AMBN: variants seen among roughly 807,000 people sequenced by gnomAD.
AMBN encodes the protein enamel matrix protein.
A neutral mutation model predicts 48.0 loss-of-function variants in AMBN; 54 were observed. The ratio of observed to expected loss-of-function variants is 1.12; its 90% CI spans 0.90 to 1.41. AMBN has a LOEUF of 1.41. Ranked by LOEUF, AMBN falls within the 40% of genes most tolerant of loss-of-function variation. The probability of loss-of-function intolerance (pLI) is 0.00; values close to 1 mark genes in which losing one functional copy is unlikely to be tolerated. For missense variants in AMBN, 571 were observed against 547.3 expected (o/e 1.04, Z -0.43); for synonymous variants, 186 against 190.0 (o/e 0.98, Z 0.17).
Position 70,599,538 on chromosome 4 carries a change from T to C in AMBN, c.186T>C (p.Tyr62=), listed in dbSNP as rs1309882468. ...TCTTTTTTTATCCATGTCTTTAGTA[T>C]TCTAGATACGGCTTTGGAAAATCAT... ...SLQRLNTLSQ[Y]SRYGFGKSFN... is the part of the protein sequence containing the mutation. The change falls in exon 5 of 13, where the codon TAT becomes TAC. Residue 62 remains tyrosine (Y), a splice_region_variant and synonymous_variant. Transcript: ENST00000322937. The C allele has an allele frequency of 1.2e-6, 2 of 1,601,286 alleles. No homozygotes were observed. The highest frequency in any genetic ancestry group is 4.5e-5 in the East Asian group (2 of 44,728).
At chr4:70,597,169 G>T in intron 3 of AMBN, 120 bp downstream of exon 3, 1 of 778,446 alleles carries the variant, frequency 1.3e-6, no homozygotes, top group Non-Finnish European at 2.0e-6. Context: ...GTTATCCTGA[G>T]GAGTGCTAGA....
At position 70,601,036 on chromosome 4, in the gene AMBN, T is replaced by A. The variant is rs185403461; in HGVS notation, c.295-382T>A. On this transcript the variant is annotated intron_variant, in intron 5 of 12. Coordinates refer to ENST00000322937, the MANE Select transcript of AMBN (RefSeq NM_016519.6). Reference sequence around the variant, plus strand: ...GGGCTATAAAGAAAAACAAAACATATCATTCTCTCTCCGTTGACTGGGGGA... The same window carrying A: ...GGGCTATAAAGAAAAACAAAACATAACATTCTCTCTCCGTTGACTGGGGGA... 6.4e-4 allele frequency among the ~76,000 whole-genome samples: 97 copies of A among 152,226 alleles called. 1 individual carries two copies. Among genetic ancestry groups the A allele is most frequent in the Non-Finnish European group, 1.9e-4 (13 of 68,004 alleles).
chr4:70,606,145 A>G, intron 12 of AMBN, 40 bp from the exon 13 acceptor site: 2 of 1,607,020 alleles, frequency 1.2e-6, no homozygotes. Context: ...AGTTAATAGC[A>G]TGTGATGATG....
intron 12 of AMBN, among the ~76,000 whole-genome samples, chr4:70,604,971 C>A (rs1737608522): frequency 1.4e-5 from 2 of 145,790 alleles, no homozygotes; most frequent in Admixed American, 7.0e-5. Flanking sequence ...CCAGCCTGGG[C>A]AACAGAGCAA....
chr4:70,601,559 C>A lies in AMBN; in HGVS notation c.436C>A (p.Pro146Thr). 1 of 1,614,176 alleles carries A rather than the reference C, an allele frequency of 6.2e-7. No individual in the cohort carries two copies. The change falls in exon 6 of 13, where the codon CCT becomes ACT. Residue 146 changes from proline to threonine, a missense_variant. Pro to Thr is a conservative substitution (Grantham distance 38, BLOSUM62 -1). Coordinates refer to ENST00000322937, the MANE Select transcript of AMBN (RefSeq NM_016519.6). ...QATALKEALQ[P>T]PIHLGHLPLQ... ...CACAGCACTGAAAGAAGCACTTCAG[C>A]CTCCAATTCACCTGGGACATCTGCC...
Position 70,603,509 on chromosome 4 carries a change from T to G in AMBN, c.753+49T>G, listed in dbSNP as rs1180478652. On this transcript the variant is annotated intron_variant, in intron 11 of 12. Transcript: ENST00000322937. The stretch of plus-strand genomic sequence containing the variant: ...TATTGTTTTTAATTAAATTTTATCT[T>G]AAGAGCTAAAATTCAAAAATCTAGG... The G allele has an allele frequency of 4.5e-6, 7 of 1,558,776 alleles. No individual in the cohort carries two copies. The African/African-American group carries it at 6.9e-5, about 15-fold the overall frequency.
In AMBN at chr4:70,606,510, T is replaced by A; in HGVS notation, c.1124T>A (p.Leu375His). 1 of 1,614,014 alleles carries A rather than the reference T, an allele frequency of 6.2e-7. No homozygotes were observed. ...PRSPSGKMKG[L>H]PSVTPAAADP... ...AGCCCTTCAGGGAAGATGAAGGGAC[T>A]CCCCAGCGTCACCCCAGCAGCTGCT... The change falls in exon 13 of 13, where the codon CTC becomes CAC. Residue 375 changes from leucine (L) to histidine (H), a missense_variant. By Grantham distance (99) the Leu-to-His change is moderately conservative. Transcript: ENST00000322937.
Position 70,592,393 on chromosome 4 carries a change from T to A in AMBN, c.15+20T>A, listed in dbSNP as rs369006341. On this transcript the variant is annotated intron_variant, in intron 1 of 12. Transcript: ENST00000322937. The stretch of plus-strand genomic sequence containing the variant: ...TCTAAGGTAAAATGGGATTTTATGA[T>A]TTCCATGTGTTTCCTGTAAATTCTT... 6.2e-7 allele frequency: 1 copy of A among 1,613,582 alleles called. No homozygotes were observed. The highest frequency in any genetic ancestry group is 8.5e-7 in the Non-Finnish European group (1 of 1,179,654).
chr4:70,601,660 TC>T lies in AMBN; in HGVS notation c.531+8del, dbSNP rs1364980987. The T allele has an allele frequency of 5.0e-6, 8 of 1,612,814 alleles. No individual in the cohort carries two copies. Among genetic ancestry groups the T allele is most frequent in the Non-Finnish European group, 6.8e-6 (8 of 1,179,050 alleles). ...ATAAGCCACCAAAGCCTGAGGTACT[TC>T]CTTTCTCTTGAAGTCAGATCAGAAT... On this transcript the variant is annotated splice_region_variant and intron_variant, in intron 6 of 12. Transcript: ENST00000322937.
chr4:70,599,458 GA>G, intron 4 of AMBN, 77 bp from the exon 5 acceptor site: 1 of 1,135,554 alleles, frequency 8.8e-7, no homozygotes, highest in Admixed American at 2.6e-5. Flanking sequence ...AAAGAAAAAG[GA>G]AAAGGAAAAC....
chr4:70,603,873 A>G lies in AMBN; in HGVS notation c.754-4A>G. On this transcript the variant is annotated splice_region_variant and splice_polypyrimidine_tract_variant and intron_variant, in intron 11 of 12. Coordinates refer to ENST00000322937, the MANE Select transcript of AMBN (RefSeq NM_016519.6). ...AATTTGACGCAATATTTCTTTTTGA[A>G]CAGAATGCCCCTGCCAGACTTGGCA... 4.3e-6 allele frequency: 7 copies of G among 1,614,004 alleles called. No individual in the cohort carries two copies. Among genetic ancestry groups the G allele is most frequent in the Non-Finnish European group, 5.1e-6 (6 of 1,179,938 alleles).
intron 2 of AMBN, among the ~76,000 whole-genome samples, chr4:70,596,717 G>A (rs561980298): frequency 6.6e-5 from 10 of 152,304 alleles, no homozygotes; most frequent in African/African-American, 2.4e-4. Context: ...CTCCTTGTGT[G>A]TAACTTTAAA....
At position 70,601,500 on chromosome 4, in the gene AMBN, T is replaced by G; in HGVS notation, c.377T>G (p.Phe126Cys). Residue 126 changes from phenylalanine (F) to cysteine (C), a missense_variant, in exon 6 of 13, where the codon TTT becomes TGT. By Grantham distance (205) the Phe-to-Cys change is radical. Transcript: ENST00000322937. ...CCTCAACAGCCAGGACTGAAACCTT[T>G]TCTCCAGTCTGCTGCTGCAACCACC... ...LKPQQPGLKPFLQSAAATTNQ... is the reference protein window; with the variant it reads ...LKPQQPGLKPCLQSAAATTNQ... 1 of 1,614,166 alleles carries G rather than the reference T, an allele frequency of 6.2e-7. No homozygotes were observed.
At chr4:70,598,081 A>G (rs1737427002) in intron 3 of AMBN, among the ~76,000 whole-genome samples, 1 of 152,184 alleles carries the variant, frequency 6.6e-6, no homozygotes, top group South Asian at 2.1e-4. Flanking sequence ...GGAATGAGCT[A>G]TTTTCCCATG....
chr4:70,593,069 G>T (rs562460540), intron 1 of AMBN, among the ~76,000 whole-genome samples: 1 of 152,278 alleles, frequency 6.6e-6, no homozygotes, highest in South Asian at 2.1e-4. Flanking sequence ...GATGGAGGTT[G>T]TTCCTACATA....
intron 12 of AMBN, among the ~76,000 whole-genome samples, chr4:70,604,873 G>T (rs1737606679): frequency 6.6e-6 from 1 of 151,980 alleles, no homozygotes; most frequent in Non-Finnish European, 1.5e-5. Flanking sequence ...CGAGCCTGTA[G>T]TCGCAGCTAC....
At chr4:70,602,925 T>G (rs751721654) in intron 8 of AMBN, 47 bp from the exon 9 acceptor site, 14 of 1,545,558 alleles carry the variant, frequency 9.1e-6, no homozygotes, top group Non-Finnish European at 2.6e-6. Context: ...ATTTATCTAT[T>G]TTGTTCCTTT....
chr4:70,599,619 G>A lies in AMBN; in HGVS notation c.267G>A (p.Met89Ile), dbSNP rs746724705. 4 of 1,612,338 alleles carry A rather than the reference G, an allele frequency of 2.5e-6. No homozygotes were observed. Among genetic ancestry groups the A allele is most frequent in the Non-Finnish European group, 2.5e-6 (3 of 1,179,136 alleles). ...LLPPHSSLPW[M>I]RPREHETQQY... ...CACCACATTCCTCTCTTCCATGGAT[G>A]AGGCCAAGAGAACATGAAACTCAAC... Residue 89 changes from methionine (M) to isoleucine (I), a missense_variant, in exon 5 of 13, where the codon ATG (methionine) becomes ATA (isoleucine). Physicochemically the swap from Met to Ile is conservative, Grantham distance 10. Coordinates refer to ENST00000322937, the MANE Select transcript of AMBN (RefSeq NM_016519.6).
chr4:70,598,756 T>C (rs1737447120), intron 4 of AMBN, among the ~76,000 whole-genome samples: 2 of 152,040 alleles, frequency 1.3e-5, no homozygotes, highest in Admixed American at 6.6e-5. Flanking sequence ...ACCCATTTGA[T>C]TTACTTATTT....
Sources: gnomAD v4.1 joint callset for allele counts (sites outside exome capture counted in the v4.1 genomes callset) on GRCh38, gnomAD v4.1.1 for gene constraint, MANE v1.5 for transcripts, NCBI Gene and HGNC (gene_info 2026-07-23, HGNC 2026-07-21) for gene names.